Variants in SEMA5A observed in about 807,000 individuals in gnomAD.
The protein encoded by SEMA5A is semaphorin-5A.
SEMA5A carries 55 observed loss-of-function variants against 135.5 expected under a neutral mutation model. The observed-to-expected ratio is 0.41, with a 90% CI of 0.33 to 0.51. The LOEUF is 0.51. Among genes scored for constraint, SEMA5A ranks in the 20% least tolerant of loss-of-function variants. The pLI, the probability that SEMA5A is intolerant of heterozygous loss-of-function variation, is 0.37. For missense variants in SEMA5A, 1,290 were observed against 1,419.9 expected, an observed-to-expected ratio of 0.91 and a Z score of 1.47; for synonymous variants, 580 against 546.5, an observed-to-expected ratio of 1.06 and a Z score of -0.85.
At chr5:9,254,894 A>G (rs1436744230) in intron 5 of SEMA5A, among the ~76,000 whole-genome samples, 1 of 152,204 alleles carries the variant, frequency 6.6e-6, no homozygotes, top group Non-Finnish European at 1.5e-5. Context: ...CCGTGGTGAT[A>G]AGGCAACGAG....
intron 2 of SEMA5A, among the ~76,000 whole-genome samples, chr5:9,426,810 A>G (rs906233772): frequency 2.0e-5 from 3 of 152,248 alleles, no homozygotes; most frequent in African/African-American, 7.2e-5. Flanking sequence ...ATGAGCAAGA[A>G]AATGAGAGTC....
intron 17 of SEMA5A, among the ~76,000 whole-genome samples, chr5:9,065,590 C>T (rs747415658): frequency 3.3e-4 from 50 of 152,208 alleles, no homozygotes; most frequent in Non-Finnish European, 1.6e-4. Context: ...CAAGATATAA[C>T]AATCACTGTT....
intron 6 of SEMA5A, among the ~76,000 whole-genome samples, chr5:9,230,663 C>A (rs540858399): frequency 7.9e-5 from 12 of 152,044 alleles, no homozygotes; most frequent in Non-Finnish European, 1.5e-4. Flanking sequence ...GATGATCAGG[C>A]AAGGAGGTCT....
At chr5:9,521,912 C>T (rs954612416) in intron 1 of SEMA5A, among the ~76,000 whole-genome samples, 2 of 152,154 alleles carry the variant, frequency 1.3e-5, no homozygotes, top group African/African-American at 2.4e-5. Context: ...TCAGTTCAGG[C>T]TGCCTGTCAC....
chr5:9,224,945 C>T (rs1254038272), intron 7 of SEMA5A, 58 bp from the exon 8 acceptor site: 3 of 1,471,252 alleles, frequency 2.0e-6, no homozygotes, highest in Non-Finnish European at 2.8e-6. Flanking sequence ...TTTAGTGATG[C>T]TTATGGTCAC....
At chr5:9,210,149 G>A (rs1487660310) in intron 8 of SEMA5A, among the ~76,000 whole-genome samples, 3 of 152,166 alleles carry the variant, frequency 2.0e-5, no homozygotes, top group South Asian at 2.1e-4. Context: ...GTGGTAGCAG[G>A]AGAAAGAAAG....
intron 1 of SEMA5A, among the ~76,000 whole-genome samples, chr5:9,455,323 T>C (rs1402145491): frequency 6.6e-6 from 1 of 152,028 alleles, no homozygotes; most frequent in Non-Finnish European, 1.5e-5. Flanking sequence ...TGGCCTGATC[T>C]CTGCTCACTG....
intron 1 of SEMA5A, among the ~76,000 whole-genome samples, chr5:9,478,345 G>C (rs551595682): frequency 2.1e-4 from 32 of 152,330 alleles, no homozygotes; most frequent in African/African-American, 7.7e-4. Flanking sequence ...TTGCCTAGTA[G>C]AGCTGTGAGA....
chr5:9,441,117 C>A (rs1182369376), intron 1 of SEMA5A, among the ~76,000 whole-genome samples: 1 of 152,200 alleles, frequency 6.6e-6, no homozygotes, highest in African/African-American at 2.4e-5. Context: ...CAGCACAGCC[C>A]CATGGCCACA....
chr5:9,167,848 C>T (rs948079255), intron 11 of SEMA5A, among the ~76,000 whole-genome samples: 1 of 152,078 alleles, frequency 6.6e-6, no homozygotes, highest in African/African-American at 2.4e-5. Flanking sequence ...GTCATGCTCT[C>T]GGGATACAGT....
chr5:9,448,720 A>G (rs1196323569), intron 1 of SEMA5A, among the ~76,000 whole-genome samples: 2 of 152,170 alleles, frequency 1.3e-5, no homozygotes, highest in South Asian at 2.1e-4. Context: ...CACTGAAGCC[A>G]TTCATCCTAA....
At chr5:9,264,843 C>T (rs944598014) in intron 5 of SEMA5A, among the ~76,000 whole-genome samples, 2 of 148,966 alleles carry the variant, frequency 1.3e-5, no homozygotes, top group South Asian at 2.2e-4. Context: ...CAACATTCAT[C>T]ACTCTCAAAA....
At position 9,379,971 on chromosome 5, in the gene SEMA5A, G is replaced by A. The variant is rs1755525599; in HGVS notation, c.-25C>T. ...TGGTGGGCAAGGGGCCTCTGACTCT[G>A]GGCACGTGTCTTCTAAACAGAAGCT... On this transcript the variant is annotated 5_prime_UTR_variant, in exon 3 of 23. Coordinates refer to ENST00000382496, the MANE Select transcript of SEMA5A (RefSeq NM_003966.3). 1 of 1,596,514 alleles carries A rather than the reference G, an allele frequency of 6.3e-7. No individual in the cohort carries two copies. Among genetic ancestry groups the A allele is most frequent in the African/African-American group, 1.4e-5 (1 of 73,900 alleles).
chr5:9,232,939 A>G (rs1747714302), intron 6 of SEMA5A, among the ~76,000 whole-genome samples: 1 of 152,206 alleles, frequency 6.6e-6, no homozygotes, highest in South Asian at 2.1e-4. Flanking sequence ...GCAGGCACTT[A>G]GGTAGTATGG....
At chr5:9,096,238 A>G (rs1340458882) in intron 16 of SEMA5A, among the ~76,000 whole-genome samples, 1 of 152,278 alleles carries the variant, frequency 6.6e-6, no homozygotes, top group East Asian at 1.9e-4. Flanking sequence ...TCTGAATACA[A>G]CACACCATCA....
chr5:9,048,405 C>T (rs1272755617), intron 21 of SEMA5A, among the ~76,000 whole-genome samples: 1 of 152,186 alleles, frequency 6.6e-6, no homozygotes, highest in Non-Finnish European at 1.5e-5. Flanking sequence ...TTCCCAAGTG[C>T]AAAATCTCTG....
chr5:9,512,360 G>C (rs1736254663), intron 1 of SEMA5A, among the ~76,000 whole-genome samples: 1 of 152,044 alleles, frequency 6.6e-6, no homozygotes, highest in Non-Finnish European at 1.5e-5. Context: ...ATCCTCCTAA[G>C]CCCTCTGAAT....
At chr5:9,069,471 G>A (rs1505059) in intron 16 of SEMA5A, among the ~76,000 whole-genome samples, 136,103 of 152,268 alleles carry the variant, frequency 0.89, 61,019 homozygotes, top group East Asian at 0.96. Flanking sequence ...TGTTTCCAGT[G>A]GGATAGAAAG....
At chr5:9,234,894 C>G (rs1043683130) in intron 6 of SEMA5A, among the ~76,000 whole-genome samples, 1 of 152,136 alleles carries the variant, frequency 6.6e-6, no homozygotes, top group Non-Finnish European at 1.5e-5. Flanking sequence ...CTCCGTGAAT[C>G]GAGGGTATAT....
Sources: allele counts gnomAD v4.1 joint callset (sites outside exome capture counted in the v4.1 genomes callset), GRCh38; gene constraint gnomAD v4.1.1; transcripts MANE v1.5; gene names NCBI Gene and HGNC (gene_info 2026-07-23, HGNC 2026-07-21).